The following NGF variants were observed in gnomAD, a reference collection of about 807,000 sequenced individuals.
NGF encodes the protein nerve growth factor, also known as beta-nerve growth factor.
A neutral mutation model predicts 12.8 loss-of-function variants in NGF; 4 were observed. The observed-to-expected ratio is 0.31, with a 90% CI of 0.15 to 0.72. NGF has a LOEUF of 0.72. Ranked by LOEUF, NGF falls within the 30% of genes least tolerant of loss-of-function variation. The pLI, the probability that NGF is intolerant of heterozygous loss-of-function variation, is 0.69. For missense variants in NGF, 283 were observed against 330.8 expected, an observed-to-expected ratio of 0.86 and a Z score of 1.12; for synonymous variants, 140 against 130.0, an observed-to-expected ratio of 1.08 and a Z score of -0.52.
chr1:115,299,394 A>G (rs1346465430), intron 1 of NGF, among the ~76,000 whole-genome samples: 1 of 152,176 alleles, frequency 6.6e-6, no homozygotes, highest in Non-Finnish European at 1.5e-5. Flanking sequence ...GGCTGACCTC[A>G]GCTTGAGAAT....
At chr1:115,292,308 G>A (rs72699545) in intron 2 of NGF, among the ~76,000 whole-genome samples, 1 of 152,224 alleles carries the variant, frequency 6.6e-6, no homozygotes, top group Non-Finnish European at 1.5e-5. Flanking sequence ...GGCCTAGAAG[G>A]TACATCAGAG....
At chr1:115,324,478 T>C (rs1401018898) in intron 1 of NGF, among the ~76,000 whole-genome samples, 1 of 152,068 alleles carries the variant, frequency 6.6e-6, no homozygotes, top group African/African-American at 2.4e-5. Flanking sequence ...TATACTGGGC[T>C]CCATTCCTGA....
chr1:115,290,175 C>T (rs1485337122), intron 2 of NGF, among the ~76,000 whole-genome samples: 1 of 152,060 alleles, frequency 6.6e-6, no homozygotes, highest in Non-Finnish European at 1.5e-5. Context: ...ATTCCGAGTG[C>T]ACAAAACTCC....
intron 2 of NGF, among the ~76,000 whole-genome samples, chr1:115,293,013 T>C (rs1653750296): frequency 6.6e-6 from 1 of 152,078 alleles, no homozygotes; most frequent in Admixed American, 6.5e-5. Context: ...CTAAAAGACA[T>C]ACCTTGACAT....
intron 1 of NGF, among the ~76,000 whole-genome samples, chr1:115,313,041 T>C (rs1654375569): frequency 6.6e-6 from 1 of 152,230 alleles, no homozygotes; most frequent in African/African-American, 2.4e-5. Context: ...AATGGCATTT[T>C]GAGTTGACCA....
chr1:115,308,069 T>C (rs1654245954), intron 1 of NGF, among the ~76,000 whole-genome samples: 1 of 152,264 alleles, frequency 6.6e-6, no homozygotes, highest in Non-Finnish European at 1.5e-5. Flanking sequence ...ACATTCTCTG[T>C]CATTAATAAA....
chr1:115,333,657 CTT>C (rs1431640343), intron 1 of NGF, among the ~76,000 whole-genome samples: 9 of 10,292 alleles, frequency 8.7e-4, no homozygotes, highest in African/African-American at 2.2e-3. Context: ...CTTTCTTTCT[CTT>C]TCTTTCTTTC....
chr1:115,333,927 G>T (rs1655033999), intron 1 of NGF, among the ~76,000 whole-genome samples: 1 of 151,276 alleles, frequency 6.6e-6, no homozygotes. Flanking sequence ...AATGAGTTGG[G>T]CATGAGTAGA....
In NGF at chr1:115,286,678, G is replaced by C. The variant is rs748028952; in HGVS notation, c.118C>G (p.Leu40Val). Residue 40 changes from leucine to valine, a missense_variant, in exon 3 of 3, where the codon CTT (leucine) becomes GTT (valine). Leu to Val is a conservative substitution (Grantham distance 32). Transcript: ENST00000369512. Reference protein sequence around the residue: ...HTIPQAHWTKLQHSLDTALRR... With the variant: ...HTIPQAHWTKVQHSLDTALRR... ...AGGGCAGTGTCAAGGGAATGCTGAA[G>C]TTTAGTCCAGTGGGCTTGGGGGATG... The C allele has an allele frequency of 8.7e-6, 14 of 1,614,244 alleles. No individual in the cohort carries two copies. Among genetic ancestry groups the C allele is most frequent in the Non-Finnish European group, 1.2e-5 (14 of 1,180,046 alleles).
chr1:115,311,356 T>C (rs1237544047), intron 1 of NGF, among the ~76,000 whole-genome samples: 1 of 152,218 alleles, frequency 6.6e-6, no homozygotes, highest in African/African-American at 2.4e-5. Flanking sequence ...GATTTACATA[T>C]GCTGAGTGGC....
At chr1:115,304,329 A>ATT (rs58345237) in intron 1 of NGF, among the ~76,000 whole-genome samples, 1,367 of 80,822 alleles carry the variant, frequency 0.017, 77 homozygotes, top group African/African-American at 0.052. Context: ...TGCTTGGCTA[A>ATT]TTTTTTTTTT....
In NGF at chr1:115,286,355, G is replaced by C. The variant is rs765111580; in HGVS notation, c.441C>G (p.Thr147=). The C allele has an allele frequency of 6.2e-7, 1 of 1,614,038 alleles. No individual in the cohort carries two copies. Among genetic ancestry groups the C allele is most frequent in the Non-Finnish European group, 8.5e-7 (1 of 1,180,024 alleles). ...DSVSVWVGDK[T]TATDIKGKEV... is the part of the protein sequence containing the mutation. Reference sequence around the variant, plus strand: ...CCTTGCCCTTGATGTCTGTGGCGGTGGTCTTATCCCCAACCCACACGCTGA... The same window carrying C: ...CCTTGCCCTTGATGTCTGTGGCGGTCGTCTTATCCCCAACCCACACGCTGA... Residue 147 remains threonine, a synonymous_variant, in exon 3 of 3, where the codon ACC becomes ACG. Transcript: ENST00000369512.
At chr1:115,303,677 C>T (rs1166501499) in intron 1 of NGF, among the ~76,000 whole-genome samples, 1 of 152,138 alleles carries the variant, frequency 6.6e-6, no homozygotes, top group Non-Finnish European at 1.5e-5. Context: ...ATTACTATTA[C>T]TAACATCATC....
chr1:115,302,160 G>A (rs1426423410), intron 1 of NGF, among the ~76,000 whole-genome samples: 1 of 152,184 alleles, frequency 6.6e-6, no homozygotes, highest in African/African-American at 2.4e-5. Context: ...TGTTATACTG[G>A]GAAATAACAA....
intron 1 of NGF, among the ~76,000 whole-genome samples, chr1:115,296,758 G>T (rs1156537458): frequency 6.6e-6 from 1 of 152,168 alleles, no homozygotes; most frequent in African/African-American, 2.4e-5. Context: ...TATAGATATT[G>T]TTGTCATTGT....
intron 1 of NGF, among the ~76,000 whole-genome samples, chr1:115,315,612 A>T (rs961407142): frequency 1.3e-5 from 2 of 152,218 alleles, no homozygotes; most frequent in African/African-American, 4.8e-5. Context: ...ATACCTATAT[A>T]CTGAGATAGC....
intron 1 of NGF, among the ~76,000 whole-genome samples, chr1:115,333,665 CTT>C (rs1654996166): frequency 2.4e-5 from 1 of 42,280 alleles, no homozygotes; most frequent in South Asian, 1.1e-3. Context: ...CTCTTTCTTT[CTT>C]TCTTTCTTTC....
chr1:115,319,231 AC>A lies in NGF; in HGVS notation c.-137+18972del, dbSNP rs1478773645. ...ATGCCTGGTTTCTTTTCTTAACCAG[AC>A]CCGGTGACTGGCCTTCTTCTTCAAG... On this transcript the variant is annotated intron_variant, in intron 1 of 2. Transcript: ENST00000369512. 2.6e-5 allele frequency among the ~76,000 whole-genome samples: 4 copies of A among 152,226 alleles called. No individual in the cohort carries two copies. The East Asian group carries it at 7.7e-4, about 29-fold the overall frequency.
At chr1:115,335,451 A>G (rs1655084101) in intron 1 of NGF, among the ~76,000 whole-genome samples, 1 of 152,220 alleles carries the variant, frequency 6.6e-6, no homozygotes. Flanking sequence ...GATTTCTCAG[A>G]ACTGGCTAAG....
Sources: allele counts gnomAD v4.1 joint callset (sites outside exome capture counted in the v4.1 genomes callset), GRCh38; gene constraint gnomAD v4.1.1; transcripts MANE v1.5; gene names NCBI Gene and HGNC (gene_info 2026-07-23, HGNC 2026-07-21).